Variants in DERL1 observed in about 807,000 individuals in gnomAD.
The protein encoded by DERL1 is derlin-1.
A neutral mutation model predicts 41.6 loss-of-function variants in DERL1; 24 were observed. That is an observed-to-expected ratio of 0.58 (90% CI 0.42 to 0.81). The LOEUF is 0.81. DERL1 is among the 30% of genes least tolerant of loss of function. The probability of loss-of-function intolerance (pLI) is 0.00; values close to 1 mark genes in which losing one functional copy is unlikely to be tolerated. For missense variants in DERL1, 260 were observed against 314.3 expected, an observed-to-expected ratio of 0.83 and a Z score of 1.31; for synonymous variants, 124 against 112.5, an observed-to-expected ratio of 1.10 and a Z score of -0.65.
intron 3 of DERL1, 77 bp downstream of exon 3, chr8:123,024,909 A>G: frequency 2.1e-6 from 3 of 1,438,986 alleles, no homozygotes; most frequent in Non-Finnish European, 2.9e-6. Context: ...TGAAACGTTT[A>G]CAGAATATGG....
At chr8:123,038,230 T>TA (rs1812970095) in intron 1 of DERL1, among the ~76,000 whole-genome samples, 2 of 152,206 alleles carry the variant, frequency 1.3e-5, no homozygotes, top group Non-Finnish European at 2.9e-5. Context: ...TGTGAAAGAT[T>TA]CAGCTTCTAA....
Position 123,033,413 on chromosome 8 carries a change from C to A in DERL1, c.154-2697G>T, listed in dbSNP as rs188596897. Among the ~76,000 whole-genome samples the A allele has an allele frequency of 2.2e-3, 336 of 152,226 alleles. 2 individuals carry two copies. Among genetic ancestry groups the A allele is most frequent in the African/African-American group, 7.7e-3 (318 of 41,542 alleles). On this transcript the variant is annotated intron_variant, in intron 1 of 7. Transcript: ENST00000259512. ...TCTCTTTCTACCTTTTTATACTTAA[C>A]CACAAAAGCTGAGTATCTTACTGCC...
intron 1 of DERL1, among the ~76,000 whole-genome samples, chr8:123,034,261 C>A (rs796239333): frequency 6.6e-6 from 1 of 151,968 alleles, no homozygotes; most frequent in African/African-American, 2.4e-5. Flanking sequence ...AATGTGCATA[C>A]CAAAAAAGTG....
chr8:123,019,821 C>CCGA (rs1468543717), intron 6 of DERL1, among the ~76,000 whole-genome samples: 1 of 152,152 alleles, frequency 6.6e-6, no homozygotes, highest in East Asian at 1.9e-4. Context: ...CTTAGGAAAG[C>CCGA]CGACTTGCAC....
intron 2 of DERL1, among the ~76,000 whole-genome samples, chr8:123,026,611 A>G (rs1440910907): frequency 2.0e-5 from 3 of 152,242 alleles, no homozygotes; most frequent in Non-Finnish European, 4.4e-5. Context: ...CCTGGGTTCC[A>G]GTCCTAACTG....
chr8:123,022,370 A>G (rs577830429), intron 5 of DERL1, among the ~76,000 whole-genome samples: 2 of 151,860 alleles, frequency 1.3e-5, no homozygotes, highest in South Asian at 4.2e-4. Flanking sequence ...CGAGGGAGGG[A>G]TAAGAACAGA....
rs181729274 is a variant in DERL1, at chr8:123,024,230, C to T, written c.331-491G>A. Among the ~76,000 whole-genome samples, 6 of 152,258 alleles carry T rather than the reference C, an allele frequency of 3.9e-5. No individual in the cohort carries two copies. In the East Asian group the frequency reaches 1.2e-3, roughly 29 times the overall value. On this transcript the variant is annotated intron_variant, in intron 3 of 7. Transcript: ENST00000259512. ...AATAAAGGATGAAGATGCCTGTAGC[C>T]TTTGAAGGAAATAATCATTCTACTT...
At chr8:123,018,980 G>A (rs1042023966) in intron 7 of DERL1, 4 of 556,758 alleles carry the variant, frequency 7.2e-6, no homozygotes, top group Non-Finnish European at 1.3e-5. Context: ...AGTTGTCAGT[G>A]GTCCCTGGCT....
chr8:123,037,069 A>G (rs545716072), intron 1 of DERL1, among the ~76,000 whole-genome samples: 1 of 152,332 alleles, frequency 6.6e-6, no homozygotes, highest in South Asian at 2.1e-4. Flanking sequence ...TGCAATTACT[A>G]ATTAAAATTA....
chr8:123,034,085 A>G (rs1812872818), intron 1 of DERL1, among the ~76,000 whole-genome samples: 1 of 152,226 alleles, frequency 6.6e-6, no homozygotes, highest in African/African-American at 2.4e-5. Flanking sequence ...CAAAGGCCCC[A>G]AGAATTGCAA....
chr8:123,038,575 T>C (rs1474014569), intron 1 of DERL1, among the ~76,000 whole-genome samples: 3 of 152,204 alleles, frequency 2.0e-5, no homozygotes, highest in Non-Finnish European at 4.4e-5. Flanking sequence ...TTTAACCTTA[T>C]ACACCCGCAG....
intron 6 of DERL1, 146 bp from the exon 7 acceptor site, chr8:123,019,451 T>C: frequency 3.2e-6 from 2 of 625,256 alleles, no homozygotes; most frequent in South Asian, 2.0e-5. Context: ...ACTTTTGTAG[T>C]CTGAGTGGCA....
At chr8:123,023,659 T>C (rs1257832845) in intron 4 of DERL1, 54 bp downstream of exon 4, 1 of 1,570,994 alleles carries the variant, frequency 6.4e-7, no homozygotes, top group East Asian at 2.3e-5. Flanking sequence ...AGGCCACTAA[T>C]AGTATATTTG....
chr8:123,021,725 A>G (rs1812550531), intron 5 of DERL1, among the ~76,000 whole-genome samples: 1 of 152,214 alleles, frequency 6.6e-6, no homozygotes, highest in Non-Finnish European at 1.5e-5. Context: ...AGGACACAGT[A>G]CTTTGCCCAC....
chr8:123,035,167 G>A (rs1338820536), intron 1 of DERL1, among the ~76,000 whole-genome samples: 1 of 152,132 alleles, frequency 6.6e-6, no homozygotes, highest in East Asian at 1.9e-4. Flanking sequence ...TTTAGTCACT[G>A]TTTGCACCTG....
At chr8:123,037,863 A>G (rs2130496428) in intron 1 of DERL1, among the ~76,000 whole-genome samples, 1 of 152,340 alleles carries the variant, frequency 6.6e-6, no homozygotes, top group African/African-American at 2.4e-5. Context: ...GAAGAAATAT[A>G]GCCATGCAGG....
chr8:123,025,011 A>G lies in DERL1; in HGVS notation c.305T>C (p.Leu102Pro). The change falls in exon 3 of 8, where the codon CTC becomes CCC. Residue 102 changes from leucine to proline, a missense_variant. Coordinates refer to ENST00000259512, the MANE Select transcript of DERL1 (RefSeq NM_024295.6). ...DGRPADYLFMLLFNWICIVIT... is the reference protein window; with the variant it reads ...DGRPADYLFMPLFNWICIVIT... ...CACGATGCAAATCCAGTTAAAGAGG[A>G]GCATGAATAAATAGTCTGCTGGCCT... is the stretch of plus-strand genomic sequence containing the variant. The G allele has an allele frequency of 6.2e-7, 1 of 1,613,920 alleles. No homozygotes were observed. The highest frequency in any genetic ancestry group is 8.5e-7 in the Non-Finnish European group (1 of 1,179,960).
rs902279542 is a variant in DERL1, at chr8:123,014,457, G to A, written c.*990C>T. ...GGCAAAAAAGTGACATTTAAATAGC[G>A]TATGAGGGTCTCTCCTCCTTTACTC... On this transcript the variant is annotated 3_prime_UTR_variant, in exon 8 of 8. Coordinates refer to ENST00000259512, the MANE Select transcript of DERL1 (RefSeq NM_024295.6). The A allele has an allele frequency of 5.2e-5, 8 of 152,710 alleles. No homozygotes were observed. The highest frequency in any genetic ancestry group is 7.3e-5 in the Non-Finnish European group (5 of 68,064). The allele number at this position is 152,710 out of a possible 1,614,324, so 9.5% of individuals were successfully genotyped here. A position where few individuals can be genotyped will look rare whatever the true frequency, so the allele number is the denominator to read the frequency against.
chr8:123,031,631 CA>C (rs1265449995), intron 1 of DERL1, among the ~76,000 whole-genome samples: 1 of 152,050 alleles, frequency 6.6e-6, no homozygotes, highest in Non-Finnish European at 1.5e-5. Context: ...CCCAGTTCCC[CA>C]ACAACAGCTG....
Sources: allele counts gnomAD v4.1 joint callset (sites outside exome capture counted in the v4.1 genomes callset), GRCh38; gene constraint gnomAD v4.1.1; transcripts MANE v1.5; gene names NCBI Gene and HGNC (gene_info 2026-07-23, HGNC 2026-07-21).